The following MYO9B variants were observed in gnomAD, a reference collection of about 807,000 sequenced individuals.
MYO9B encodes the protein myosin IXB.
In MYO9B, 71 loss-of-function variants were observed where a neutral mutation model predicts 229.5. The ratio of observed to expected loss-of-function variants is 0.31; its 90% CI spans 0.26 to 0.38. The LOEUF is 0.38. Among genes scored for constraint, MYO9B ranks in the 10% least tolerant of loss-of-function variants. The pLI, the probability that MYO9B is intolerant of heterozygous loss-of-function variation, is 1.00. For synonymous variants in MYO9B, 1,185 were observed against 1,235.8 expected, an observed-to-expected ratio of 0.96 and a Z score of 0.86; for missense variants, 2,255 against 2,920.5, an observed-to-expected ratio of 0.77 and a Z score of 5.25.
At position 17,198,293 on chromosome 19, in the gene MYO9B, C is replaced by T. The variant is rs772579703; in HGVS notation, c.4223C>T (p.Ser1408Phe). The change falls in exon 24 of 40, where the codon TCT becomes TTT. Residue 1408 changes from serine to phenylalanine, a missense_variant. Around this residue, in one of 7 missense-constraint regions of MYO9B, gnomAD observed 679 missense variants for 770.2 expected, o/e 0.88. Coordinates refer to ENST00000682292, the MANE Select transcript of MYO9B (RefSeq NM_004145.4). ...SLPDAGLSPG[S>F]QVDSKSTFKR... Reference sequence around the variant, plus strand: ...CCAGACGCAGGGCTGTCCCCGGGCTCTCAGGTCGACTCTAAGTAAGTATTG... The same window carrying T: ...CCAGACGCAGGGCTGTCCCCGGGCTTTCAGGTCGACTCTAAGTAAGTATTG... 6.2e-7 allele frequency: 1 copy of T among 1,613,846 alleles called. No individual in the cohort carries two copies. The highest frequency in any genetic ancestry group is 1.3e-5 in the African/African-American group (1 of 75,052).
At chr19:17,143,048 G>A (rs1311869361) in intron 2 of MYO9B, among the ~76,000 whole-genome samples, 2 of 152,124 alleles carry the variant, frequency 1.3e-5, no homozygotes, top group Non-Finnish European at 2.9e-5. Context: ...AGACCAGCCT[G>A]GACAACATGG....
chr19:17,170,955 CTT>C (rs1752122360), intron 11 of MYO9B, among the ~76,000 whole-genome samples: 1 of 151,932 alleles, frequency 6.6e-6, no homozygotes, highest in Non-Finnish European at 1.5e-5. Flanking sequence ...GCTCGAGTCT[CTT>C]TAAAATCTTG....
At position 17,193,010 on chromosome 19, in the gene MYO9B, C is replaced by T; in HGVS notation, c.3076C>T (p.Gln1026Ter). Residue 1026 changes from glutamine (Q) to a stop codon, truncating the protein, a stop_gained, in exon 21 of 40, where the codon CAG becomes TAG. Transcript: ENST00000682292. LOFTEE classifies it high-confidence loss of function. The surrounding 1 kb of genome is among the most constrained non-coding windows in gnomAD (Gnocchi z 4.3). ...GCGGAAGCTCTACCGGCACCAGAAACAGAGCATCATCCGCCTGCAGAGCCT... is the reference window on the plus strand; with the variant it reads ...GCGGAAGCTCTACCGGCACCAGAAATAGAGCATCATCCGCCTGCAGAGCCT... ...WQRKLYRHQK[Q>*]SIIRLQSLCR... is the part of the protein sequence containing the mutation. 2 of 1,501,764 alleles carry T rather than the reference C, an allele frequency of 1.3e-6. No homozygotes were observed. The highest frequency in any genetic ancestry group is 1.8e-6 in the Non-Finnish European group (2 of 1,120,408). The allele number at this position is 1,501,764 out of a possible 1,614,324, so 93.0% of individuals were successfully genotyped here.
In MYO9B at chr19:17,117,971, C is replaced by T. The variant is rs368266033; in HGVS notation, c.840+15414C>T. On this transcript the variant is annotated intron_variant, in intron 2 of 39. Transcript: ENST00000682292. ...AAAAAAAAAAAAGAAAAGACATATA[C>T]AGGATTCTAGTTAGCGGGTATGTGA... Among the ~76,000 whole-genome samples the T allele has an allele frequency of 1.1e-4, 16 of 147,510 alleles. No homozygotes were observed. The South Asian group carries it at 3.2e-3, about 30-fold the overall frequency.
intron 15 of MYO9B, chr19:17,183,588 C>G (rs1360467033): frequency 1.9e-6 from 1 of 536,968 alleles, no homozygotes; most frequent in African/African-American, 1.9e-5. Flanking sequence ...TTTGGGGCAG[C>G]CACCAGCAGA....
At position 17,078,826 on chromosome 19, in the gene MYO9B, C is replaced by T. The variant is rs150588437; in HGVS notation, c.-59+2952C>T. On this transcript the variant is annotated intron_variant, in intron 1 of 39. Coordinates refer to ENST00000682292, the MANE Select transcript of MYO9B (RefSeq NM_004145.4). ...TCTCTCATTCTGCCAACCGGCAGTG[C>T]GAGGGTCCTTGTTCTTATCTTCCTG... 2.2e-4 allele frequency among the ~76,000 whole-genome samples: 33 copies of T among 152,296 alleles called. No homozygotes were observed. The East Asian group carries it at 6.2e-3, about 28-fold the overall frequency.
At chr19:17,210,279 A>C (rs2073211171) in intron 36 of MYO9B, 54 bp from the exon 37 acceptor site, 1 of 1,511,976 alleles carries the variant, frequency 6.6e-7, no homozygotes, top group East Asian at 2.4e-5. Context: ...TCCCCAGCTC[A>C]TGCCTGTGTC....
chr19:17,162,302 C>T (rs780699052), intron 8 of MYO9B, 48 bp from the exon 9 acceptor site: 50 of 1,470,828 alleles, frequency 3.4e-5, no homozygotes, highest in Non-Finnish European at 4.1e-5. Flanking sequence ...AAGACTCCAG[C>T]GCAGGGCCTG....
intron 3 of MYO9B, among the ~76,000 whole-genome samples, chr19:17,150,204 G>C (rs1351231771): frequency 1.3e-5 from 2 of 152,144 alleles, no homozygotes; most frequent in Non-Finnish European, 2.9e-5. Context: ...GAGGCCAGGA[G>C]TTCAAGACCA....
rs2072478867 is a variant in MYO9B at position 17,151,711 on chromosome 19, G to A, written c.936-933G>A. 3.9e-5 allele frequency among the ~76,000 whole-genome samples: 6 copies of A among 152,298 alleles called. No individual in the cohort carries two copies. In the South Asian group the frequency reaches 1.2e-3, roughly 32 times the overall value. ...ACACGTAGATCACTTGAGGCCAGGA[G>A]TTACAGACCAGCCTGGACAACATCA... On this transcript the variant is annotated intron_variant, in intron 3 of 39. Coordinates refer to ENST00000682292, the MANE Select transcript of MYO9B (RefSeq NM_004145.4).
chr19:17,125,297 T>C (rs1216067627), intron 2 of MYO9B, among the ~76,000 whole-genome samples: 1,445 of 99,584 alleles, frequency 0.015, 2 homozygotes, highest in African/African-American at 0.018. Flanking sequence ...TAAAACCCCA[T>C]CCCCCCCCCC....
In MYO9B at chr19:17,180,937, A is replaced by G; in HGVS notation, c.2230A>G (p.Asn744Asp). 2 of 1,606,720 alleles carry G rather than the reference A, an allele frequency of 1.2e-6. No individual in the cohort carries two copies. The highest frequency in any genetic ancestry group is 1.3e-5 in the African/African-American group (1 of 74,772). ...CACCCCTCCCCTCAGCGATTTGCAT[A>G]ACCAAATGATCAAGAGCATCAAAGG... ...PSEKLYRDLH[N>D]QMIKSIKGLP... is the part of the protein sequence containing the mutation. Residue 744 changes from asparagine (N) to aspartate (D), a missense_variant, in exon 15 of 40, where the codon AAC becomes GAC. Around this residue, in one of 7 missense-constraint regions of MYO9B, gnomAD observed 155 missense variants for 159.1 expected, o/e 0.97. Transcript: ENST00000682292.
chr19:17,149,787 C>G (rs761154252), intron 3 of MYO9B, among the ~76,000 whole-genome samples: 1 of 152,194 alleles, frequency 6.6e-6, no homozygotes, highest in Non-Finnish European at 1.5e-5. Context: ...CCCTGGGTCC[C>G]TATAAGACCC....
chr19:17,124,471 G>C (rs1372110135), intron 2 of MYO9B, among the ~76,000 whole-genome samples: 1 of 152,152 alleles, frequency 6.6e-6, no homozygotes, highest in Non-Finnish European at 1.5e-5. Flanking sequence ...GCAACTCTTA[G>C]ATGAAGAGAT....
chr19:17,194,785 G>T lies in MYO9B; in HGVS notation c.3358G>T (p.Ala1120Ser). ...PLEHSSPEKE[A>S]PSPEKTLPPQ... ...AGAGCACTCCTCACCTGAGAAGGAG[G>T]CCCCAAGCCCAGAGAAGACTCTCCC... The change falls in exon 22 of 40, where the codon GCC becomes TCC. Residue 1120 changes from alanine to serine, a missense_variant. By Grantham distance (99) the Ala-to-Ser change is moderately conservative. Transcript: ENST00000682292. 1 of 1,613,336 alleles carries T rather than the reference G, an allele frequency of 6.2e-7. No homozygotes were observed. The highest frequency in any genetic ancestry group is 8.5e-7 in the Non-Finnish European group (1 of 1,179,864).
intron 37 of MYO9B, 51 bp from the exon 38 acceptor site, chr19:17,210,664 A>G: frequency 1.3e-6 from 2 of 1,488,396 alleles, no homozygotes; most frequent in Non-Finnish European, 1.8e-6. Context: ...CTCCGGCAGT[A>G]ACCTCGCCCA....
intron 10 of MYO9B, among the ~76,000 whole-genome samples, chr19:17,165,371 AATT>A (rs1466123115): frequency 6.6e-6 from 1 of 151,904 alleles, no homozygotes; most frequent in East Asian, 1.9e-4. Context: ...AAAAAAAAAA[AATT>A]AATTAATTTC....
chr19:17,204,697 A>G (rs2073141103), intron 30 of MYO9B, among the ~76,000 whole-genome samples: 1 of 151,872 alleles, frequency 6.6e-6, no homozygotes, highest in African/African-American at 2.4e-5. Flanking sequence ...AAATACAGAA[A>G]TTAGCCAGGC....
At chr19:17,106,065 C>A (rs1256654497) in intron 2 of MYO9B, among the ~76,000 whole-genome samples, 1 of 151,112 alleles carries the variant, frequency 6.6e-6, no homozygotes, top group Non-Finnish European at 1.5e-5. Context: ...TGCAGTGGCA[C>A]AATCATAACT....
Sources: gnomAD v4.1 joint callset for allele counts (sites outside exome capture counted in the v4.1 genomes callset) on GRCh38, gnomAD v4.1.1 for gene constraint, gnomAD v4.1.1 regional missense constraint, Gnocchi (gnomAD v3.1) non-coding constraint, MANE v1.5 for transcripts, NCBI Gene and HGNC (gene_info 2026-07-23, HGNC 2026-07-21) for gene names.